PLCB1: variants seen among roughly 807,000 people sequenced by gnomAD.
PLCB1 encodes the protein phospholipase C beta 1.
Under a neutral mutation model 161.8 loss-of-function variants are expected in PLCB1, and 46 were observed. That is an observed-to-expected ratio of 0.28 (90% CI 0.22 to 0.36). The LOEUF (loss-of-function observed/expected upper bound fraction) is 0.36, where lower values mean the gene tolerates loss of function less well. Among genes scored for constraint, PLCB1 ranks in the 10% least tolerant of loss-of-function variants. The pLI is 1.00. For synonymous variants in PLCB1, 517 were observed against 503.7 expected, an observed-to-expected ratio of 1.03 and a Z score of -0.35; for missense variants, 1,016 against 1,472.5, an observed-to-expected ratio of 0.69 and a Z score of 5.07.
chr20:8,216,983 C>T (rs1190552385), intron 2 of PLCB1, among the ~76,000 whole-genome samples: 1 of 152,162 alleles, frequency 6.6e-6, no homozygotes, highest in African/African-American at 2.4e-5. Context: ...AATGTGTCCT[C>T]TTGTGCGTGG....
At chr20:8,427,528 T>C (rs114337321) in intron 3 of PLCB1, among the ~76,000 whole-genome samples, 2,900 of 152,262 alleles carry the variant, frequency 0.019, 89 homozygotes, top group African/African-American at 0.059. Flanking sequence ...ACCAACAGGT[T>C]CGTATGCCCA....
At chr20:8,681,086 G>GTGTATATATATATATA (rs1394518085) in intron 9 of PLCB1, among the ~76,000 whole-genome samples, 7 of 73,844 alleles carry the variant, frequency 9.5e-5, no homozygotes, top group African/African-American at 3.3e-4. Context: ...ATGTGTGTGT[G>GTGTATATATATATATA]TATATATATA....
Position 8,774,558 on chromosome 20 carries a change from G to C in PLCB1, c.2950G>C (p.Asp984His). The part of the protein sequence containing the change: ...SKKKSEPSSP[D>H]HGSSTIEQDL... ...TTGCAGATCGGAACCCAGCAGCCCTGATCATGGTTCATCAACGATTGAGCA... is the reference window on the plus strand; with the variant it reads ...TTGCAGATCGGAACCCAGCAGCCCTCATCATGGTTCATCAACGATTGAGCA... Residue 984 changes from aspartate (D) to histidine (H), a missense_variant, in exon 27 of 32, where the codon GAT (aspartate) becomes CAT (histidine). Around this residue, in one of 10 missense-constraint regions of PLCB1, gnomAD observed 398 missense variants for 445.4 expected, o/e 0.89. Transcript: ENST00000338037. The C allele has an allele frequency of 6.2e-7, 1 of 1,612,826 alleles. No individual in the cohort carries two copies. Among genetic ancestry groups the C allele is most frequent in the Non-Finnish European group, 8.5e-7 (1 of 1,179,082 alleles).
At chr20:8,266,341 G>C (rs1981954265) in intron 2 of PLCB1, among the ~76,000 whole-genome samples, 1 of 152,118 alleles carries the variant, frequency 6.6e-6, no homozygotes, top group Admixed American at 6.6e-5. Flanking sequence ...AGAGAAGAAT[G>C]GGCTCTGCTC....
At chr20:8,579,983 T>C (rs550098519) in intron 3 of PLCB1, among the ~76,000 whole-genome samples, 36 of 152,074 alleles carry the variant, frequency 2.4e-4, no homozygotes, top group African/African-American at 8.7e-4. Flanking sequence ...GGCTCTGGGG[T>C]GTAGGAGCTC....
chr20:8,200,295 A>G (rs1450166916), intron 2 of PLCB1, among the ~76,000 whole-genome samples: 1 of 152,036 alleles, frequency 6.6e-6, no homozygotes, highest in Non-Finnish European at 1.5e-5. Context: ...ATAGGCCTTA[A>G]TATTTTCTTC....
intron 3 of PLCB1, among the ~76,000 whole-genome samples, chr20:8,525,982 C>T (rs1465421880): frequency 6.6e-6 from 1 of 151,862 alleles, no homozygotes; most frequent in Non-Finnish European, 1.5e-5. Flanking sequence ...TGAATGGTTA[C>T]CCTTAAAATG....
chr20:8,293,717 C>T (rs1983493720), intron 2 of PLCB1, among the ~76,000 whole-genome samples: 1 of 152,092 alleles, frequency 6.6e-6, no homozygotes, highest in African/African-American at 2.4e-5. Flanking sequence ...CTCAGGGACC[C>T]TCAAAGGGTC....
intron 31 of PLCB1, among the ~76,000 whole-genome samples, chr20:8,856,135 T>C (rs543177954): frequency 9.2e-6 from 1 of 108,800 alleles, no homozygotes; most frequent in African/African-American, 4.3e-5. Flanking sequence ...TGTGCATGTA[T>C]ATATTCCTGT....
chr20:8,624,402 A>C (rs1159985226), intron 3 of PLCB1, among the ~76,000 whole-genome samples: 1 of 152,222 alleles, frequency 6.6e-6, no homozygotes. Context: ...TGTTTCTGGT[A>C]TCAAAAATAA....
intron 2 of PLCB1, among the ~76,000 whole-genome samples, chr20:8,232,499 A>C (rs1568599430): frequency 6.6e-6 from 1 of 152,172 alleles, no homozygotes; most frequent in Non-Finnish European, 1.5e-5. Flanking sequence ...ATGGTGACCT[A>C]GTTTAGCTCT....
At chr20:8,720,053 A>G (rs185275349) in intron 14 of PLCB1, among the ~76,000 whole-genome samples, 40 of 152,274 alleles carry the variant, frequency 2.6e-4, no homozygotes. Flanking sequence ...TTCAAAAATA[A>G]TTTCTGTACT....
chr20:8,530,476 T>G (rs1424597294), intron 3 of PLCB1, among the ~76,000 whole-genome samples: 2 of 152,114 alleles, frequency 1.3e-5, no homozygotes, highest in African/African-American at 4.8e-5. Context: ...TATGTTTTTG[T>G]ATCTATAAAA....
intron 2 of PLCB1, among the ~76,000 whole-genome samples, chr20:8,283,976 A>G (rs898789046): frequency 6.6e-6 from 1 of 151,852 alleles, no homozygotes; most frequent in African/African-American, 2.4e-5. Context: ...ATGGTGAAAT[A>G]TTTTCCCAGG....
rs140613169 is a variant in PLCB1, at chr20:8,499,671, C to T, written c.246+128221C>T. Among the ~76,000 whole-genome samples the T allele has an allele frequency of 2.0e-3, 303 of 152,280 alleles. 1 individual carries two copies. Among genetic ancestry groups the T allele is most frequent in the African/African-American group, 7.0e-3 (289 of 41,558 alleles). ...CCATTCAGGTAGCTCAAAGGATATA[C>T]TCAACTCTGACATTTGTAATAAGTG... On this transcript the variant is annotated intron_variant, in intron 3 of 31. Transcript: ENST00000338037.
At chr20:8,653,612 G>C (rs995280534) in intron 7 of PLCB1, 8 of 151,926 alleles carry the variant, frequency 5.3e-5, no homozygotes, top group African/African-American at 1.7e-4. Flanking sequence ...TTATTCATTA[G>C]AGTCTGCTTC....
At chr20:8,239,153 C>G (rs1490130690) in intron 2 of PLCB1, among the ~76,000 whole-genome samples, 1 of 151,888 alleles carries the variant, frequency 6.6e-6, no homozygotes, top group Non-Finnish European at 1.5e-5. Context: ...GAAGGAGCAC[C>G]TATTTCTCAG....
intron 3 of PLCB1, among the ~76,000 whole-genome samples, chr20:8,543,620 C>CAAAAAAAAAAA (rs60587265): frequency 7.7e-6 from 1 of 129,572 alleles, no homozygotes; most frequent in Non-Finnish European, 1.6e-5. Context: ...CAAAGAGTTC[C>CAAAAAAAAAAA]AAAAAAAAAA....
chr20:8,500,466 G>A (rs1355537294), intron 3 of PLCB1, among the ~76,000 whole-genome samples: 1 of 152,138 alleles, frequency 6.6e-6, no homozygotes, highest in African/African-American at 2.4e-5. Flanking sequence ...AATCCATTAT[G>A]ATATGAGCAA....
Sources: allele counts gnomAD v4.1 joint callset (sites outside exome capture counted in the v4.1 genomes callset), GRCh38; gene constraint gnomAD v4.1.1; regional missense constraint gnomAD v4.1.1; transcripts MANE v1.5; gene names NCBI Gene and HGNC (gene_info 2026-07-23, HGNC 2026-07-21).